The following UNC80 variants were observed in gnomAD, a reference collection of about 807,000 sequenced individuals.
UNC80 encodes the protein protein unc-80 homolog.
Under a neutral mutation model 384.6 loss-of-function variants are expected in UNC80, and 164 were observed. The ratio of observed to expected loss-of-function variants is 0.43; its 90% confidence interval spans 0.38 to 0.49. The LOEUF (loss-of-function observed/expected upper bound fraction) is 0.49. Among genes scored for constraint, UNC80 ranks in the 20% least tolerant of loss-of-function variants. The pLI is 0.00. For missense variants in UNC80, 3,330 were observed against 4,143.0 expected (o/e 0.80, Z 5.39); for synonymous variants, 1,486 against 1,527.8 (o/e 0.97, Z 0.64).
chr2:209,982,705 TCAGTTGTAGGTAGTGACACTTAAC>T (rs1251038122), intron 60 of UNC80: 1 of 156,702 alleles, frequency 6.4e-6, no homozygotes, highest in Non-Finnish European at 1.4e-5. Context: ...TTATTAGTAT[TCAGTTGTAGGTAGTGACACTTAAC>T]CAAGCAGAAA....
rs964686275 is a variant in UNC80 at position 209,813,585 on chromosome 2, C to G, written c.944C>G (p.Ser315Cys). The G allele has an allele frequency of 6.4e-7, 1 of 1,551,000 alleles. No individual in the cohort carries two copies. Among genetic ancestry groups the G allele is most frequent in the African/African-American group, 1.4e-5 (1 of 73,030 alleles). Residue 315 changes from serine (S) to cysteine (C), a missense_variant, in exon 8 of 65, where the codon TCT (serine) becomes TGT (cysteine). Physicochemically the swap from Ser to Cys is moderately radical, Grantham distance 112. Coordinates refer to ENST00000673920, the MANE Select transcript of UNC80 (RefSeq NM_001371986.1). ...TTCTTTCTGCCATGGAACAGGGCCT[C>G]TCTTGTGATACCTCCGTGCCAAAGG... ...QERGPSHSRA[S>C]LVIPPCQRSR...
rs370452444 is a variant in UNC80, at chr2:209,789,635, G to A, written c.798+30G>A. ...GTTTATTATAATCATAAGAAGAAGG[G>A]AGGCAGAAAGTCCTTGGACATAGTG... On this transcript the variant is annotated intron_variant, in intron 6 of 64. Transcript: ENST00000673920. 1.0e-4 allele frequency: 150 copies of A among 1,489,642 alleles called. 1 individual carries two copies. Among genetic ancestry groups the A allele is most frequent in the South Asian group, 9.4e-4 (83 of 88,330 alleles). The allele number at this position is 1,489,642 out of a possible 1,614,324, so 92.3% of individuals were successfully genotyped here.
In UNC80 at chr2:209,881,101, TA is replaced by T; in HGVS notation, c.4110+10del. The T allele has an allele frequency of 1.3e-6, 2 of 1,551,602 alleles. No homozygotes were observed. Among genetic ancestry groups the T allele is most frequent in the Non-Finnish European group, 1.7e-6 (2 of 1,146,930 alleles). On this transcript the variant is annotated splice_region_variant and intron_variant, in intron 25 of 64. Coordinates refer to ENST00000673920, the MANE Select transcript of UNC80 (RefSeq NM_001371986.1). Reference sequence around the variant, plus strand: ...TCGCACTGAGCCTCTGGTGGTAAGTTAAAGCATGCAAGTTAATAATCAGGTT... The same window carrying T: ...TCGCACTGAGCCTCTGGTGGTAAGTTAAGCATGCAAGTTAATAATCAGGTT...
chr2:209,774,072 A>G (rs925419873), intron 2 of UNC80, among the ~76,000 whole-genome samples: 1 of 152,204 alleles, frequency 6.6e-6, no homozygotes, highest in East Asian at 1.9e-4. Flanking sequence ...AAATCTACCA[A>G]TTTGGATATT....
intron 7 of UNC80, among the ~76,000 whole-genome samples, chr2:209,806,626 A>T (rs1223465282): frequency 6.6e-6 from 1 of 152,230 alleles, no homozygotes; most frequent in Non-Finnish European, 1.5e-5. Context: ...GAGCTCATGC[A>T]TTAATCAGAA....
chr2:209,868,425 A>G (rs1282618644), intron 22 of UNC80, among the ~76,000 whole-genome samples: 1 of 152,220 alleles, frequency 6.6e-6, no homozygotes, highest in African/African-American at 2.4e-5. Context: ...GTAAGCTTAG[A>G]TATAGTCCTC....
At position 209,894,341 on chromosome 2, in the gene UNC80, G is replaced by A; in HGVS notation, c.4455G>A (p.Gln1485=). ...ESEAEELQLS[Q]SRDTVTDLEG... is the part of the protein sequence containing the mutation. ...AGGCTGAGGAGCTGCAGCTGTCCCAGAGCAGGGACACTGTCACTGACCTAG... is the reference window on the plus strand; with the variant it reads ...AGGCTGAGGAGCTGCAGCTGTCCCAAAGCAGGGACACTGTCACTGACCTAG... The change falls in exon 27 of 65, where the codon CAG becomes CAA. Residue 1485 remains glutamine, a synonymous_variant. Coordinates refer to ENST00000673920, the MANE Select transcript of UNC80 (RefSeq NM_001371986.1). 1 of 985,368 alleles carries A rather than the reference G, an allele frequency of 1.0e-6. No homozygotes were observed. Among genetic ancestry groups the A allele is most frequent in the African/African-American group, 1.7e-5 (1 of 57,344 alleles). 61.0% of individuals were successfully genotyped at this position (985,368 alleles called of 1,614,324 possible). A position where few individuals can be genotyped will look rare whatever the true frequency, so the allele number is the denominator to read the frequency against.
intron 62 of UNC80, among the ~76,000 whole-genome samples, chr2:209,992,712 T>C (rs373581305): frequency 8.5e-5 from 13 of 152,258 alleles, no homozygotes; most frequent in Non-Finnish European, 1.8e-4. Flanking sequence ...AGATTTGTTA[T>C]ACAGTTGATT....
At chr2:209,944,185 A>G (rs1012649909) in intron 45 of UNC80, among the ~76,000 whole-genome samples, 7 of 152,200 alleles carry the variant, frequency 4.6e-5, no homozygotes, top group African/African-American at 1.7e-4. Context: ...TAACACATAA[A>G]TAGACCAACT....
rs2090652210 is a variant in UNC80 at position 209,929,103 on chromosome 2, T to C, written c.5807-768T>C. On this transcript the variant is annotated intron_variant, in intron 36 of 64. Coordinates refer to ENST00000673920, the MANE Select transcript of UNC80 (RefSeq NM_001371986.1). ...TGTCCTTTAACTTTAACTGTATGGC[T>C]TGTTTCTGAATCAAAATTTGGTATC... Among the ~76,000 whole-genome samples, 5 of 152,358 alleles carry C rather than the reference T, an allele frequency of 3.3e-5. No homozygotes were observed. The South Asian group carries it at 1.0e-3, about 32-fold the overall frequency.
intron 7 of UNC80, chr2:209,808,721 C>A: frequency 6.1e-6 from 1 of 162,668 alleles, no homozygotes; most frequent in Non-Finnish European, 1.3e-5. Flanking sequence ...AGCGGCTGCA[C>A]TCATTGCTCC....
rs776047993 is a variant in UNC80, at chr2:209,929,926, G to A, written c.5862G>A (p.Thr1954=). Residue 1954 remains threonine, a synonymous_variant, in exon 37 of 65, where the codon ACG becomes ACA. Transcript: ENST00000673920. ...LWNCLIEDPS[T]VLRHFLEKLT... is the part of the protein sequence containing the mutation. ...ACTGTCTAATTGAAGATCCATCAAC[G>A]GTTCTTCGACATTTTCTGGAAAAAC... is the stretch of plus-strand genomic sequence containing the variant. 29 of 1,539,286 alleles carry A rather than the reference G, an allele frequency of 1.9e-5. No individual in the cohort carries two copies. In the East Asian group the frequency reaches 2.2e-4, roughly 12 times the overall value.
chr2:209,968,651 A>C (rs1209775288), intron 52 of UNC80: 6 of 152,192 alleles, frequency 3.9e-5, no homozygotes, highest in African/African-American at 1.4e-4. Context: ...CTATTTCTTT[A>C]GTGATCCCAA....
At chr2:209,971,464 C>CA (rs35804573) in intron 54 of UNC80, among the ~76,000 whole-genome samples, 89,956 of 133,736 alleles carry the variant, frequency 0.67, 30,492 homozygotes, top group East Asian at 0.85. Flanking sequence ...ATTCCCAAGG[C>CA]AAAAAAAAAA....
chr2:209,813,703 C>G lies in UNC80; in HGVS notation c.1062C>G (p.Tyr354Ter). ...AAGGCACTCAGTGGTCTCTGATGTA[C>G]TATCTACAAAGGCTGCGACACATGT... ...SEEGTQWSLM[Y>*]YLQRLRHMLE... The change falls in exon 8 of 65, where the codon TAC (tyrosine) becomes TAG (stop). Residue 354 changes from tyrosine (Y) to a stop codon, truncating the protein, a stop_gained. Coordinates refer to ENST00000673920, the MANE Select transcript of UNC80 (RefSeq NM_001371986.1). LOFTEE classifies it high-confidence loss of function. The G allele has an allele frequency of 6.4e-7, 1 of 1,551,778 alleles. No individual in the cohort carries two copies. Among genetic ancestry groups the G allele is most frequent in the Non-Finnish European group, 8.7e-7 (1 of 1,147,014 alleles).
chr2:209,955,964 G>GA (rs1441281469), intron 48 of UNC80, among the ~76,000 whole-genome samples: 3 of 151,590 alleles, frequency 2.0e-5, no homozygotes, highest in African/African-American at 7.3e-5. Context: ...GGCTGGTCTC[G>GA]AACTCCTGGC....
intron 7 of UNC80, among the ~76,000 whole-genome samples, chr2:209,803,161 A>C (rs899672764): frequency 6.6e-6 from 1 of 152,178 alleles, no homozygotes; most frequent in Non-Finnish European, 1.5e-5. Flanking sequence ...TACCTTTTCC[A>C]TATTTTATTG....
At position 209,998,067 on chromosome 2, in the gene UNC80, A is replaced by T. The variant is rs977511167; in HGVS notation, c.*2472A>T. ...ATAAATGCAGTGTTGGTAATAGTAG[A>T]TCATTTCTTAAGCCATGATACTTAA... is the stretch of plus-strand genomic sequence containing the variant. On this transcript the variant is annotated 3_prime_UTR_variant, in exon 65 of 65. Transcript: ENST00000673920. 2 of 152,224 alleles carry T rather than the reference A, an allele frequency of 1.3e-5. No homozygotes were observed. Among genetic ancestry groups the T allele is most frequent in the African/African-American group, 4.8e-5 (2 of 41,466 alleles). 9.4% of individuals were successfully genotyped at this position (152,224 alleles called of 1,614,324 possible). A position where few individuals can be genotyped will look rare whatever the true frequency, so the allele number is the denominator to read the frequency against.
At chr2:209,794,935 G>C in intron 7 of UNC80, 1 of 365,252 alleles carries the variant, frequency 2.7e-6, no homozygotes, top group Non-Finnish European at 5.4e-6. Flanking sequence ...ATTGGTACCA[G>C]TAGAGTGGGG....
Sources: gnomAD v4.1 joint callset for allele counts (sites outside exome capture counted in the v4.1 genomes callset) on GRCh38, gnomAD v4.1.1 for gene constraint, MANE v1.5 for transcripts, NCBI Gene and HGNC (gene_info 2026-07-23, HGNC 2026-07-21) for gene names.